Variants in DSCAM observed in about 807,000 individuals in gnomAD.
DSCAM encodes the protein DS cell adhesion molecule.
In DSCAM, 47 loss-of-function variants were observed where a neutral mutation model predicts 217.7. The observed-to-expected ratio is 0.22, with a 90% CI of 0.17 to 0.28. The LOEUF is 0.28. Among genes scored for constraint, DSCAM ranks in the 10% least tolerant of loss-of-function variants. DSCAM has a pLI of 1.00. For missense variants in DSCAM, 2,080 were observed against 2,618.3 expected (o/e 0.79, Z 4.49); for synonymous variants, 1,056 against 1,015.3 (o/e 1.04, Z -0.76).
intron 11 of DSCAM, among the ~76,000 whole-genome samples, chr21:40,208,726 G>C (rs751339406): frequency 6.6e-6 from 1 of 152,158 alleles, no homozygotes; most frequent in East Asian, 1.9e-4. Flanking sequence ...ACTGTTATCC[G>C]TAGGGGGTTC....
intron 11 of DSCAM, among the ~76,000 whole-genome samples, chr21:40,229,533 C>G (rs1009342444): frequency 6.6e-6 from 1 of 152,190 alleles, no homozygotes; most frequent in African/African-American, 2.4e-5. Context: ...CCCCAAATCC[C>G]TAACAACCAC....
chr21:40,387,180 G>C (rs1030106255), intron 3 of DSCAM, among the ~76,000 whole-genome samples: 1 of 152,078 alleles, frequency 6.6e-6, no homozygotes, highest in African/African-American at 2.4e-5. Context: ...AGGAAGAGGG[G>C]GGGTGAATAC....
At chr21:40,232,584 G>A (rs147492448) in intron 11 of DSCAM, among the ~76,000 whole-genome samples, 1 of 152,290 alleles carries the variant, frequency 6.6e-6, no homozygotes, top group East Asian at 1.9e-4. Context: ...TGTTTTCTCA[G>A]TAGATAAGTG....
In DSCAM at chr21:40,332,388, A is replaced by C. The variant is rs73355306; in HGVS notation, c.1783+5713T>G. ...CTGTGCGCAGCCTCATCTCTCTTCT[A>C]TTCTTTCCCTGATTATGCTTTATCT... On this transcript the variant is annotated intron_variant, in intron 8 of 32. Coordinates refer to ENST00000400454, the MANE Select transcript of DSCAM (RefSeq NM_001389.5). Among the ~76,000 whole-genome samples, 489 of 152,300 alleles carry C rather than the reference A, an allele frequency of 3.2e-3. 2 individuals carry two copies. The highest frequency in any genetic ancestry group is 0.011 in the African/African-American group (450 of 41,554).
At chr21:40,216,805 C>A (rs537444605) in intron 11 of DSCAM, among the ~76,000 whole-genome samples, 3 of 152,314 alleles carry the variant, frequency 2.0e-5, no homozygotes, top group Admixed American at 2.0e-4. Context: ...TGCCCTACCT[C>A]CCCCCTGGAG....
chr21:40,351,449 C>T (rs2074630246), intron 5 of DSCAM, among the ~76,000 whole-genome samples: 1 of 152,198 alleles, frequency 6.6e-6, no homozygotes, highest in Non-Finnish European at 1.5e-5. Context: ...ACACACTTGT[C>T]TGACATTCAG....
Position 40,296,146 on chromosome 21 carries a change from C to T in DSCAM, c.2091G>A (p.Arg697=), listed in dbSNP as rs762175050. 9.9e-6 allele frequency: 16 copies of T among 1,613,962 alleles called. No individual in the cohort carries two copies. In the South Asian group the frequency reaches 1.6e-4, roughly 17 times the overall value. ...CTTTGCCATAAATCCCGTCCTGGTC[C>T]CGTGGCTGAACCACAAACTTGGGAG... ...RVPPKFVVQP[R]DQDGIYGKAV... Residue 697 remains arginine, a synonymous_variant, in exon 10 of 33, where the codon CGG becomes CGA. Coordinates refer to ENST00000400454, the MANE Select transcript of DSCAM (RefSeq NM_001389.5).
At chr21:40,561,541 T>C (rs1371236318) in intron 3 of DSCAM, among the ~76,000 whole-genome samples, 1 of 152,248 alleles carries the variant, frequency 6.6e-6, no homozygotes, top group African/African-American at 2.4e-5. Flanking sequence ...GATCATCCTT[T>C]AGCTTCTGCT....
intron 3 of DSCAM, among the ~76,000 whole-genome samples, chr21:40,456,990 T>C (rs1275202906): frequency 2.6e-5 from 4 of 152,070 alleles, no homozygotes; most frequent in Non-Finnish European, 5.9e-5. Flanking sequence ...CAATTTAGAA[T>C]TACTGTAACA....
intron 1 of DSCAM, among the ~76,000 whole-genome samples, chr21:40,725,240 C>A (rs2090942409): frequency 6.6e-6 from 1 of 152,176 alleles, no homozygotes. Context: ...GTTTGTAAAT[C>A]CCTTTATTTC....
intron 15 of DSCAM, among the ~76,000 whole-genome samples, chr21:40,177,608 T>A (rs1434411944): frequency 6.6e-6 from 1 of 152,200 alleles, no homozygotes; most frequent in Non-Finnish European, 1.5e-5. Context: ...TAGGATTTAA[T>A]CTAAGAAAAT....
chr21:40,206,388 C>T (rs969308642), intron 11 of DSCAM, among the ~76,000 whole-genome samples: 2 of 152,030 alleles, frequency 1.3e-5, no homozygotes, highest in African/African-American at 2.4e-5. Context: ...TGTTAGCACA[C>T]GGGGGTAGGC....
At chr21:40,562,072 C>A (rs2076724705) in intron 3 of DSCAM, among the ~76,000 whole-genome samples, 1 of 152,172 alleles carries the variant, frequency 6.6e-6, no homozygotes, top group South Asian at 2.1e-4. Flanking sequence ...CTCTTGGGCT[C>A]AAATGTTTTG....
At position 40,251,175 on chromosome 21, in the gene DSCAM, A is replaced by G. The variant is rs2073298987; in HGVS notation, c.2356+24922T>C. On this transcript the variant is annotated intron_variant, in intron 11 of 32. Coordinates refer to ENST00000400454, the MANE Select transcript of DSCAM (RefSeq NM_001389.5). The stretch of plus-strand genomic sequence containing the variant: ...ATGGGCCATCGAGGGCTGGCTACAC[A>G]GTTACTGGGCTGGCCATGTGATAGA... Among the ~76,000 whole-genome samples, 6 of 152,374 alleles carry G rather than the reference A, an allele frequency of 3.9e-5. No individual in the cohort carries two copies. The South Asian group carries it at 1.2e-3, about 32-fold the overall frequency.
intron 3 of DSCAM, among the ~76,000 whole-genome samples, chr21:40,391,427 A>C (rs1005646791): frequency 6.6e-6 from 1 of 152,256 alleles, no homozygotes; most frequent in Non-Finnish European, 1.5e-5. Context: ...CAGATTGAGA[A>C]GATTAGAGAA....
At chr21:40,838,252 T>G (rs2092072363) in intron 1 of DSCAM, among the ~76,000 whole-genome samples, 1 of 152,246 alleles carries the variant, frequency 6.6e-6, no homozygotes, top group Admixed American at 6.5e-5. Flanking sequence ...GAAGAATCAA[T>G]GCTTTACTCA....
rs1282488265 is a variant in DSCAM at position 40,144,564 on chromosome 21, C to T, written c.3186G>A (p.Leu1062=). The change falls in exon 17 of 33, where the codon CTG becomes CTA. Residue 1062 remains leucine (L), a synonymous_variant. Transcript: ENST00000400454. The surrounding 1 kb of genome is among the most constrained non-coding windows in gnomAD (Gnocchi z 4.8). ...CGGCCCGGTTACAGGCCTGCACCACCAGGCCGTACTGAGTGAACTTATTCA... is the reference window on the plus strand; with the variant it reads ...CGGCCCGGTTACAGGCCTGCACCACTAGGCCGTACTGAGTGAACTTATTCA... The part of the protein sequence containing the change: ...DNLNKFTQYG[L]VVQACNRAGT... 6.2e-7 allele frequency: 1 copy of T among 1,614,178 alleles called. No individual in the cohort carries two copies. Among genetic ancestry groups the T allele is most frequent in the South Asian group, 1.1e-5 (1 of 91,084 alleles).
At chr21:40,564,376 C>A (rs191082604) in intron 3 of DSCAM, among the ~76,000 whole-genome samples, 5 of 152,160 alleles carry the variant, frequency 3.3e-5, no homozygotes, top group African/African-American at 1.2e-4. Flanking sequence ...AGTAACTAAT[C>A]TTCAGAGTAA....
chr21:40,686,668 G>A (rs1016086445), intron 3 of DSCAM, among the ~76,000 whole-genome samples: 2 of 152,202 alleles, frequency 1.3e-5, no homozygotes, highest in Admixed American at 1.3e-4. Context: ...CAGAATGGGT[G>A]CAGGTCTCCT....
Sources: gnomAD v4.1 joint callset for allele counts (sites outside exome capture counted in the v4.1 genomes callset) on GRCh38, gnomAD v4.1.1 for gene constraint, Gnocchi (gnomAD v3.1) non-coding constraint, MANE v1.5 for transcripts, NCBI Gene and HGNC (gene_info 2026-07-23, HGNC 2026-07-21) for gene names.